Variants in ZBED6 observed in about 807,000 individuals in gnomAD.
The protein encoded by ZBED6 is zinc finger BED-type containing 6.
ZBED6 carries 40 observed loss-of-function variants against 58.4 expected under a neutral mutation model. The observed-to-expected ratio is 0.68, with a 90% CI of 0.53 to 0.89. The LOEUF (loss-of-function observed/expected upper bound fraction) is 0.89. ZBED6 is among the 40% of genes least tolerant of loss of function. ZBED6 has a pLI of 0.00. For synonymous variants in ZBED6, 439 were observed against 350.6 expected (o/e 1.25, Z -2.82); for missense variants, 1,057 against 1,003.9 (o/e 1.05, Z -0.71).
chr1:203,829,839 G>A, exon 6 of ZBED6: 2 of 1,614,144 alleles, frequency 1.2e-6, no homozygotes, highest in Non-Finnish European at 1.7e-6. Context: ...AACTCCTGAA[G>A]TTCACAATGG....
chr1:203,833,165 C>T (rs947245348), intron 8 of ZBED6, among the ~76,000 whole-genome samples: 3 of 152,040 alleles, frequency 2.0e-5, no homozygotes, highest in African/African-American at 4.8e-5. Context: ...GTCAGAAATT[C>T]GAGACCAGCC....
chr1:203,841,639 A>G (rs1372963892), intron 11 of ZBED6, among the ~76,000 whole-genome samples: 5 of 152,040 alleles, frequency 3.3e-5, no homozygotes, highest in Admixed American at 3.3e-4. Flanking sequence ...CGCCTTTGTC[A>G]TCATGGCCCG....
chr1:203,851,001 A>T (rs1689112985), intron 15 of ZBED6, 56 bp from the exon 16 acceptor site: 11 of 1,577,938 alleles, frequency 7.0e-6, no homozygotes, highest in Non-Finnish European at 9.5e-6. Context: ...GAAAATGAAT[A>T]TGCTCAAATT....
chr1:203,829,657 A>G lies in ZBED6; in HGVS notation c.*3201+3A>G, dbSNP rs1033820495. The G allele has an allele frequency of 3.1e-6, 5 of 1,614,106 alleles. No individual in the cohort carries two copies. In the African/African-American group the frequency reaches 5.3e-5, roughly 17 times the overall value. The stretch of plus-strand genomic sequence containing the variant: ...AGATGATGATGAAGATGATGATGGT[A>G]AGTTCTGTCTGGCTCCTTCTTTAAG... On this transcript the variant is annotated splice_donor_region_variant and intron_variant, in intron 5 of 16. Transcript: ENST00000550078.
At chr1:203,836,638 T>C (rs1371092011) in intron 9 of ZBED6, among the ~76,000 whole-genome samples, 1 of 152,148 alleles carries the variant, frequency 6.6e-6, no homozygotes, top group Non-Finnish European at 1.5e-5. Flanking sequence ...CAGCCAGGCA[T>C]GGTGGCATGC....
intron 1 of ZBED6, among the ~76,000 whole-genome samples, chr1:203,814,681 TC>T (rs1675660225): frequency 6.6e-6 from 1 of 152,230 alleles, no homozygotes; most frequent in African/African-American, 2.4e-5. Flanking sequence ...TCAAAAGTCT[TC>T]CAGCCTCCAC....
chr1:203,808,181 C>G (rs6685918), intron 1 of ZBED6, among the ~76,000 whole-genome samples: 19,202 of 152,118 alleles, frequency 0.13, 1,590 homozygotes, highest in East Asian at 0.29. Flanking sequence ...CTAAAAACTT[C>G]TAAGTTCTGA....
chr1:203,847,660 C>T lies in ZBED6; in HGVS notation c.*4218C>T, dbSNP rs148859249. 427 of 1,612,296 alleles carry T rather than the reference C, an allele frequency of 2.6e-4. 2 individuals carry two copies. Among genetic ancestry groups the T allele is most frequent in the Admixed American group, 2.0e-4 (12 of 59,794 alleles). ...ACACGAGGCCACTCCAGGGGCAAGG[C>T]GGCTGCTGCGAATCACCAAAAGAAC... On this transcript the variant is annotated 3_prime_UTR_variant, in exon 12 of 17. Transcript: ENST00000550078.
intron 3 of ZBED6, among the ~76,000 whole-genome samples, chr1:203,821,364 G>T (rs904902912): frequency 6.6e-6 from 1 of 151,952 alleles, no homozygotes; most frequent in African/African-American, 2.4e-5. Context: ...ATAGCAATGT[G>T]AAAATGGACT....
exon 17 of ZBED6, chr1:203,853,283 A>G (rs1282390672): frequency 6.6e-6 from 1 of 152,568 alleles, no homozygotes; most frequent in East Asian, 1.9e-4. Flanking sequence ...GTTGCCCAGT[A>G]TTTGTTTGGT....
At chr1:203,844,108 T>G (rs183329507) in intron 11 of ZBED6, among the ~76,000 whole-genome samples, 2 of 152,294 alleles carry the variant, frequency 1.3e-5, no homozygotes, top group Non-Finnish European at 2.9e-5. Context: ...CTGCCCACTT[T>G]GGCCTCCCAA....
chr1:203,798,275 T>G, exon 1 of ZBED6: 1 of 1,536,108 alleles, frequency 6.5e-7, no homozygotes, highest in East Asian at 2.4e-5. Flanking sequence ...TCATCAAAAG[T>G]AACATTGTCA....
In ZBED6 at chr1:203,820,018, T is replaced by TGAGATCAGGAGTTC. The variant is rs372233029; in HGVS notation, c.*2873+1334_*2873+1347dup. On this transcript the variant is annotated intron_variant, in intron 3 of 16. Coordinates refer to ENST00000550078, the Ensembl canonical transcript of ZBED6. Reference sequence around the variant, plus strand: ...TTACTAGGCTGAGGCGGGTGAATCATGAGATCAGGAGTTCGAGACCAGCCT... The same window carrying TGAGATCAGGAGTTC: ...TTACTAGGCTGAGGCGGGTGAATCATGAGATCAGGAGTTCGAGATCAGGAGTTCGAGACCAGCCT... 8.0e-3 allele frequency among the ~76,000 whole-genome samples: 1,204 copies of TGAGATCAGGAGTTC among 151,200 alleles called. 23 individuals carry two copies. Among genetic ancestry groups the TGAGATCAGGAGTTC allele is most frequent in the African/African-American group, 0.028 (1,151 of 41,314 alleles).
At chr1:203,812,577 A>ATT (rs1216704914) in intron 1 of ZBED6, among the ~76,000 whole-genome samples, 9 of 94,512 alleles carry the variant, frequency 9.5e-5, no homozygotes, top group South Asian at 6.0e-4. Flanking sequence ...AGCCATTCTA[A>ATT]ATTTTTTTTT....
exon 17 of ZBED6, chr1:203,853,343 T>G (rs1179101539): frequency 6.6e-6 from 1 of 152,604 alleles, no homozygotes. Context: ...GCTGCCAATA[T>G]TTATCTATGG....
Position 203,800,421 on chromosome 1 carries a change from A to C in ZBED6, c.2899A>C (p.Asn967His), listed in dbSNP as rs1428767049. ...GGTTCTGAGCTGGGATCCTGAGCAG[A>C]ATGAAGTTGTTCAAAGCAGTGAAAA... The change falls in exon 1 of 17, where the codon AAT (asparagine) becomes CAT (histidine). Residue 967 changes from asparagine to histidine, a missense_variant. Physicochemically the swap from Asn to His is moderately conservative, Grantham distance 68. Coordinates refer to ENST00000550078, the Ensembl canonical transcript of ZBED6. The C allele has an allele frequency of 2.2e-6, 3 of 1,343,102 alleles. No homozygotes were observed. In the East Asian group the frequency reaches 7.5e-5, roughly 34 times the overall value. The allele number at this position is 1,343,102 out of a possible 1,614,324, so 83.2% of individuals were successfully genotyped here.
chr1:203,821,486 G>A (rs1427231678), intron 3 of ZBED6, among the ~76,000 whole-genome samples: 4 of 152,158 alleles, frequency 2.6e-5, no homozygotes, highest in African/African-American at 4.8e-5. Context: ...ACTGATTTTT[G>A]TGTTCTTTTG....
rs1199385852 is a variant in ZBED6, at chr1:203,796,605, A to AAT, written c.-917_-916dup. On this transcript the variant is annotated 5_prime_UTR_variant, in exon 1 of 17. In the 5' UTR this introduces an upstream ATG that the reference lacks. Coordinates refer to ENST00000550078, the Ensembl canonical transcript of ZBED6. ...AGAGATAGCGATGCTTTTTAGGGTAAATGTATGTAGGTATTGGGGGAAGGG... is the reference window on the plus strand; with the variant it reads ...AGAGATAGCGATGCTTTTTAGGGTAAATATGTATGTAGGTATTGGGGGAAGGG... 2 of 396,472 alleles carry AAT rather than the reference A, an allele frequency of 5.0e-6. No homozygotes were observed. Among genetic ancestry groups the AAT allele is most frequent in the Non-Finnish European group, 8.9e-6 (2 of 225,062 alleles). The allele number at this position is 396,472 out of a possible 1,614,324, so 24.6% of individuals were successfully genotyped here.
At chr1:203,842,614 G>A (rs936918358) in intron 11 of ZBED6, among the ~76,000 whole-genome samples, 1 of 148,362 alleles carries the variant, frequency 6.7e-6, no homozygotes, top group Non-Finnish European at 1.5e-5. Flanking sequence ...AGGGGGAGGG[G>A]GAGGGGGAAT....
Sources: allele counts gnomAD v4.1 joint callset (sites outside exome capture counted in the v4.1 genomes callset), GRCh38; gene constraint gnomAD v4.1.1; transcripts MANE v1.5; gene names NCBI Gene and HGNC (gene_info 2026-07-23, HGNC 2026-07-21).